Variants in PLEC observed in about 807,000 individuals in gnomAD.
The protein encoded by PLEC is hemidesmosomal protein 1.
PLEC carries 216 observed loss-of-function variants against 392.8 expected under a neutral mutation model. The observed-to-expected ratio is 0.55, with a 90% CI of 0.49 to 0.62. The LOEUF is 0.62. Among genes scored for constraint, PLEC ranks in the 20% least tolerant of loss-of-function variants. The pLI is 0.00. For missense variants in PLEC, 6,863 were observed against 6,563.4 expected, an observed-to-expected ratio of 1.05 and a Z score of -1.58; for synonymous variants, 3,621 against 2,980.6, an observed-to-expected ratio of 1.21 and a Z score of -7.00.
At chr8:143,928,873 C>A (rs569688695) in intron 25 of PLEC, among the ~76,000 whole-genome samples, 2 of 152,286 alleles carry the variant, frequency 1.3e-5, no homozygotes, top group South Asian at 4.1e-4. Context: ...TCCCCACACC[C>A]GAATCTCATC....
chr8:143,947,442 C>A (rs1831628168), intron 1 of PLEC, among the ~76,000 whole-genome samples: 1 of 152,232 alleles, frequency 6.6e-6, no homozygotes, highest in Non-Finnish European at 1.5e-5. Flanking sequence ...TTGAGCCAGG[C>A]AAAGCATCGC....
At chr8:143,956,682 C>T (rs1832613755), upstream of PLEC, among the ~76,000 whole-genome samples, 2 of 152,242 alleles carry the variant, frequency 1.3e-5, no homozygotes, top group African/African-American at 4.8e-5. Context: ...AACTTCCCCC[C>T]TGAAGTCAAG....
chr8:143,968,529 C>CAAAAAAAAAAAAAA lies in PLEC; in HGVS notation c.70+4860_70+4873dup, dbSNP rs57468544. Among the ~76,000 whole-genome samples the CAAAAAAAAAAAAAA allele has an allele frequency of 6.4e-4, 41 of 63,648 alleles. 1 individual carries two copies. The highest frequency in any genetic ancestry group is 1.5e-3 in the African/African-American group (21 of 14,220). The allele number at this position is 63,648 out of a possible 152,430, so 41.8% of individuals were successfully genotyped here. A position where few individuals can be genotyped will look rare whatever the true frequency, so the allele number is the denominator to read the frequency against. On this transcript the variant is annotated intron_variant, in intron 1 of 31. Coordinates refer to the PLEC transcript ENST00000356346. Reference sequence around the variant, plus strand: ...TGGGTGACAGAGCAAAACTCCATCTCAAAAAAAAAAAAAAAAAAGACACCA... The same window carrying CAAAAAAAAAAAAAA: ...TGGGTGACAGAGCAAAACTCCATCTCAAAAAAAAAAAAAAAAAAAAAAAAAAAAAAAAGACACCA...
rs1306810331 is a variant in PLEC at position 143,934,550 on chromosome 8, AGGCAGGGCCAGGTC to A, written c.1041+71_1041+84del. 8 of 1,595,220 alleles carry A rather than the reference AGGCAGGGCCAGGTC, an allele frequency of 5.0e-6. No individual in the cohort carries two copies. In the African/African-American group the frequency reaches 8.0e-5, roughly 16 times the overall value. On this transcript the variant is annotated intron_variant, in intron 10 of 31. Coordinates refer to ENST00000345136, the MANE Select transcript of PLEC (RefSeq NM_201384.3). ...AGACCTGGGACAGCCCTGGTCCCAA[AGGCAGGGCCAGGTC>A]GGCTCCGGAAGAACCTTTCAGGCCT...
In PLEC at chr8:143,929,529, A is replaced by G; in HGVS notation, c.2966T>C (p.Leu989Pro). Residue 989 changes from leucine to proline, a missense_variant, in exon 24 of 32, where the codon CTC (leucine) becomes CCC (proline). Physicochemically the swap from Leu to Pro is moderately conservative, Grantham distance 98 (BLOSUM62 -3). Coordinates refer to ENST00000345136, the MANE Select transcript of PLEC (RefSeq NM_201384.3). Reference sequence around the variant, plus strand: ...CTCCAGCTGCAGCCGGATGTCTTTGAGCTCGGAGATGCAGCGCTGGCAGCG... The same window carrying G: ...CTCCAGCTGCAGCCGGATGTCTTTGGGCTCGGAGATGCAGCGCTGGCAGCG... ...ESRCQRCISE[L>P]KDIRLQLEAC... 6.2e-7 allele frequency: 1 copy of G among 1,612,572 alleles called. No homozygotes were observed.
chr8:143,919,519 G>T lies in PLEC; in HGVS notation c.10302C>A (p.Thr3434=), dbSNP rs199879193. The T allele has an allele frequency of 6.5e-4, 1,051 of 1,612,132 alleles. No individual in the cohort carries two copies. Among genetic ancestry groups the T allele is most frequent in the Admixed American group, 8.3e-4 (50 of 59,994 alleles). The part of the protein sequence containing the change: ...EQLLSAEKAV[T]GYRDPYSGST... ...TGCCCGAGTAGGGGTCTCTGTAGCC[G>T]GTGACGGCCTTCTCGGCAGACAGCA... Residue 3434 remains threonine, a synonymous_variant, in exon 32 of 32, where the codon ACC becomes ACA. Coordinates refer to ENST00000345136, the MANE Select transcript of PLEC (RefSeq NM_201384.3).
chr8:143,919,214 G>A lies in PLEC; in HGVS notation c.10607C>T (p.Thr3536Met), dbSNP rs200187936. 4.9e-5 allele frequency: 79 copies of A among 1,613,798 alleles called. No homozygotes were observed. Among genetic ancestry groups the A allele is most frequent in the African/African-American group, 9.3e-5 (7 of 75,044 alleles). The part of the protein sequence containing the change: ...LLERCVEDPE[T>M]GLRLLPLKGA... ...TTTCAGTGGCAGAAGGCGCAAGCCC[G>A]TCTCGGGGTCCTCCACGCACCGCTC... Residue 3536 changes from threonine (T) to methionine (M), a missense_variant, in exon 32 of 32, where the codon ACG becomes ATG. Coordinates refer to ENST00000345136, the MANE Select transcript of PLEC (RefSeq NM_201384.3).
In PLEC at chr8:143,935,331, C is replaced by A; in HGVS notation, c.603-18G>T. 6.3e-7 allele frequency: 1 copy of A among 1,578,064 alleles called. No homozygotes were observed. The highest frequency in any genetic ancestry group is 1.7e-5 in the Admixed American group (1 of 59,348). On this transcript the variant is annotated intron_variant, in intron 6 of 31. Transcript: ENST00000345136. Reference sequence around the variant, plus strand: ...GCAGGGGCCTGGGACAAGCAGGTGGCTGGTCAGGTGGGTGGGACAAGACCA... The same window carrying A: ...GCAGGGGCCTGGGACAAGCAGGTGGATGGTCAGGTGGGTGGGACAAGACCA...
In PLEC at chr8:143,933,241, G is replaced by C; in HGVS notation, c.1374C>G (p.Thr458=). 6.2e-7 allele frequency: 1 copy of C among 1,613,106 alleles called. No homozygotes were observed. Among genetic ancestry groups the C allele is most frequent in the East Asian group, 2.2e-5 (1 of 44,872 alleles). The part of the protein sequence containing the change: ...MIRLLFNDVQ[T]LKDGRHPQGE... ...CCTGCGGGTGCCGTCCATCCTTGAG[G>C]GTCTGCACGTCGTTGAAGAGCAGCC... The change falls in exon 13 of 32, where the codon ACC becomes ACG. Residue 458 remains threonine, a synonymous_variant. Transcript: ENST00000345136.
chr8:143,917,430 A>C lies in PLEC; in HGVS notation c.12391T>G (p.Ser4131Ala). The C allele has an allele frequency of 6.2e-7, 1 of 1,612,838 alleles. No individual in the cohort carries two copies. The highest frequency in any genetic ancestry group is 1.1e-5 in the South Asian group (1 of 91,036). ...LKEKKRERKTSSKSSVRKRRV... is the reference protein window; with the variant it reads ...LKEKKRERKTASKSSVRKRRV... ...CGCTTGCGCACGGAGGACTTGGAGG[A>C]CGTCTTCCGCTCCCGCTTCTTCTCC... is the stretch of plus-strand genomic sequence containing the variant. The change falls in exon 32 of 32, where the codon TCC (serine) becomes GCC (alanine). Residue 4131 changes from serine (S) to alanine (A), a missense_variant. Physicochemically the swap from Ser to Ala is moderately conservative, Grantham distance 99. Coordinates refer to ENST00000345136, the MANE Select transcript of PLEC (RefSeq NM_201384.3).
chr8:143,932,724 G>A lies in PLEC; in HGVS notation c.1738-12C>T. Reference sequence around the variant, plus strand: ...GGGGAGAGCTGGCCCTGCAACAGATGAGACGGTGAGGTCTGCAGTGGCTGG... The same window carrying A: ...GGGGAGAGCTGGCCCTGCAACAGATAAGACGGTGAGGTCTGCAGTGGCTGG... On this transcript the variant is annotated splice_polypyrimidine_tract_variant and intron_variant, in intron 14 of 31. Transcript: ENST00000345136. The A allele has an allele frequency of 1.9e-6, 3 of 1,607,388 alleles. No homozygotes were observed. Among genetic ancestry groups the A allele is most frequent in the Non-Finnish European group, 2.5e-6 (3 of 1,177,634 alleles).
chr8:143,968,825 T>C (rs982943485), intron 1 of PLEC, among the ~76,000 whole-genome samples: 5 of 152,200 alleles, frequency 3.3e-5, no homozygotes, highest in African/African-American at 9.7e-5. Flanking sequence ...TAGGATTGGA[T>C]GTCTGCAATC....
Position 143,921,923 on chromosome 8 carries a change from A to G in PLEC, c.7898T>C (p.Leu2633Pro), listed in dbSNP as rs1044532691. ...CTCTGCCTCTGCCGCGGGGCCATCA[A>G]GTGCATCCCGGCCATTGGGCAGGGT... ...TKTLPNGRDA[L>P]DGPAAEAEPE... Residue 2633 changes from leucine to proline, a missense_variant, in exon 32 of 32, where the codon CTT (leucine) becomes CCT (proline). Coordinates refer to ENST00000345136, the MANE Select transcript of PLEC (RefSeq NM_201384.3). The G allele has an allele frequency of 1.9e-6, 3 of 1,599,598 alleles. No homozygotes were observed. The highest frequency in any genetic ancestry group is 1.3e-5 in the African/African-American group (1 of 75,044).
Position 143,920,018 on chromosome 8 carries a change from T to C in PLEC, c.9803A>G (p.Gln3268Arg), listed in dbSNP as rs1822003754. The C allele has an allele frequency of 1.2e-6, 2 of 1,613,306 alleles. No individual in the cohort carries two copies. Among genetic ancestry groups the C allele is most frequent in the East Asian group, 4.5e-5 (2 of 44,890 alleles). The part of the protein sequence containing the change: ...SSEYFTAEQR[Q>R]ELLRQFRTGK... ...CGTGCGGAACTGACGCAACAGCTCC[T>C]GCCGCTGCTCCGCAGTGAAGTACTC... Residue 3268 changes from glutamine (Q) to arginine (R), a missense_variant, in exon 32 of 32, where the codon CAG (glutamine) becomes CGG (arginine). Gln to Arg is a conservative substitution (Grantham distance 43). Coordinates refer to ENST00000345136, the MANE Select transcript of PLEC (RefSeq NM_201384.3).
Position 143,939,594 on chromosome 8 carries a change from C to T in PLEC, c.-133G>A. The T allele has an allele frequency of 6.7e-7, 1 of 1,496,332 alleles. No individual in the cohort carries two copies. Among genetic ancestry groups the T allele is most frequent in the Admixed American group, 2.1e-5 (1 of 48,640 alleles). 92.7% of individuals were successfully genotyped at this position (1,496,332 alleles called of 1,614,324 possible). ...CACTCGGCACAGGCTCAGCTCAGAGCCCCAGTCGGTGCGGCCACTCCCTGC... is the reference window on the plus strand; with the variant it reads ...CACTCGGCACAGGCTCAGCTCAGAGTCCCAGTCGGTGCGGCCACTCCCTGC... On this transcript the variant is annotated 5_prime_UTR_variant, in exon 1 of 32. Coordinates refer to ENST00000345136, the MANE Select transcript of PLEC (RefSeq NM_201384.3).
rs782472576 is a variant in PLEC at position 143,916,330 on chromosome 8, G to GGAGCCGGTGCGC, written c.13479_13490dup (p.Thr4495_Arg4498dup). 2.1e-5 allele frequency: 34 copies of GGAGCCGGTGCGC among 1,594,786 alleles called. No individual in the cohort carries two copies. Among genetic ancestry groups the GGAGCCGGTGCGC allele is most frequent in the Admixed American group, 6.9e-5 (4 of 57,786 alleles). Reference sequence around the variant, plus strand: ...AGCTGCCGCGGCGGGAGCCGGCCCGGGAGCCGGTGCGCGAGCCGGTGCGGG... The same window carrying GGAGCCGGTGCGC: ...AGCTGCCGCGGCGGGAGCCGGCCCGGGAGCCGGTGCGCGAGCCGGTGCGCGAGCCGGTGCGGG... On this transcript the variant is annotated inframe_insertion, in exon 32 of 32. Coordinates refer to ENST00000345136, the MANE Select transcript of PLEC (RefSeq NM_201384.3).
Position 143,924,375 on chromosome 8 carries a change from C to A in PLEC, c.5554G>T (p.Ala1852Ser). ...TCCTTCTCCTTGAGCGCGATCTCCGCCTCCGTCTTGAGCCGCGTGGCCTCG... is the reference window on the plus strand; with the variant it reads ...TCCTTCTCCTTGAGCGCGATCTCCGACTCCGTCTTGAGCCGCGTGGCCTCG... ...IGEATRLKTE[A>S]EIALKEKEAE... The change falls in exon 31 of 32, where the codon GCG (alanine) becomes TCG (serine). Residue 1852 changes from alanine (A) to serine (S), a missense_variant. Coordinates refer to ENST00000345136, the MANE Select transcript of PLEC (RefSeq NM_201384.3). 1 of 1,596,752 alleles carries A rather than the reference C, an allele frequency of 6.3e-7. No individual in the cohort carries two copies. The highest frequency in any genetic ancestry group is 8.5e-7 in the Non-Finnish European group (1 of 1,178,668).
At chr8:143,937,861 A>G in intron 3 of PLEC, 1 of 615,292 alleles carries the variant, frequency 1.6e-6, no homozygotes, top group Non-Finnish European at 3.0e-6. Flanking sequence ...AAACCAAAGC[A>G]AAGCGGAGCA....
chr8:143,943,874 C>G (rs781912050), upstream of PLEC: 5 of 1,611,858 alleles, frequency 3.1e-6, no homozygotes, highest in South Asian at 4.4e-5. Flanking sequence ...GGGAAACAGG[C>G]TGCCCGAGGG....
Sources: gnomAD v4.1 joint callset for allele counts (sites outside exome capture counted in the v4.1 genomes callset) on GRCh38, gnomAD v4.1.1 for gene constraint, MANE v1.5 for transcripts, NCBI Gene and HGNC (gene_info 2026-07-23, HGNC 2026-07-21) for gene names.